OTOA: variants seen among roughly 807,000 people sequenced by gnomAD.
OTOA encodes the protein cancer/testis antigen 108.
A neutral mutation model predicts 110.8 loss-of-function variants in OTOA; 70 were observed. The ratio of observed to expected loss-of-function variants is 0.63; its 90% CI spans 0.52 to 0.77. The LOEUF (loss-of-function observed/expected upper bound fraction) is 0.77, where lower values mean the gene tolerates loss of function less well. Ranked by LOEUF, OTOA falls within the 30% of genes least tolerant of loss-of-function variation. OTOA has a pLI of 0.00. For synonymous variants in OTOA, 373 were observed against 431.5 expected (o/e 0.86, Z 1.68); for missense variants, 917 against 1,075.8 (o/e 0.85, Z 2.06).
chr16:21,735,121 A>G (rs2141730101), intron 21 of OTOA, among the ~76,000 whole-genome samples: 1 of 149,562 alleles, frequency 6.7e-6, no homozygotes, highest in African/African-American at 2.5e-5. Flanking sequence ...AGCTTGAGCA[A>G]CAGAACAAGA....
chr16:21,754,097 T>C (rs1899915763), intron 27 of OTOA, among the ~76,000 whole-genome samples: 1 of 137,996 alleles, frequency 7.2e-6, no homozygotes, highest in Non-Finnish European at 1.6e-5. Flanking sequence ...TATATATATA[T>C]ATTTTTAGTT....
In OTOA at chr16:21,678,452, G is replaced by A. The variant is rs777870030; in HGVS notation, c.-4-59G>A. 10 of 993,440 alleles carry A rather than the reference G, an allele frequency of 1.0e-5. No individual in the cohort carries two copies. In the East Asian group the frequency reaches 1.2e-4, roughly 12 times the overall value. 61.5% of individuals were successfully genotyped at this position (993,440 alleles called of 1,614,324 possible). A position where few individuals can be genotyped will look rare whatever the true frequency, so the allele number is the denominator to read the frequency against. ...TATACATGTATATATATGTGTGTGT[G>A]TGTATATATATATATATTAAAAAAA... On this transcript the variant is annotated intron_variant, in intron 1 of 28. Coordinates refer to ENST00000646100, the MANE Select transcript of OTOA (RefSeq NM_144672.4).
intron 1 of OTOA, among the ~76,000 whole-genome samples, chr16:21,669,205 C>T (rs762728280): frequency 1.1e-4 from 16 of 151,592 alleles, no homozygotes; most frequent in Non-Finnish European, 1.2e-4. Flanking sequence ...TTAGCCGGTG[C>T]GGTGGCACAA....
intron 11 of OTOA, 160 bp downstream of exon 11, chr16:21,701,187 C>A: frequency 1.9e-6 from 2 of 1,078,920 alleles, no homozygotes; most frequent in Non-Finnish European, 2.7e-6. Context: ...GAGGTGTCTG[C>A]AACTTTTTTT....
intron 18 of OTOA, among the ~76,000 whole-genome samples, 159 bp from the exon 19 acceptor site, chr16:21,726,364 G>A (rs1898916875): frequency 6.6e-6 from 1 of 152,138 alleles, no homozygotes; most frequent in African/African-American, 2.4e-5. Flanking sequence ...TGATGGGTGG[G>A]AAGCTTGCTA....
Position 21,754,078 on chromosome 16 carries a change from A to ATTTT in OTOA, c.3153+958_3153+961dup, listed in dbSNP as rs764794590. ...CATCTCTCTCTCTCTATATATATAT[A>ATTTT]TTTTTTTCTATATATATATATTTTT... On this transcript the variant is annotated intron_variant, in intron 27 of 28. Coordinates refer to ENST00000646100, the MANE Select transcript of OTOA (RefSeq NM_144672.4). Among the ~76,000 whole-genome samples the ATTTT allele has an allele frequency of 1.1e-3, 152 of 137,424 alleles. 2 individuals are homozygous for ATTTT. The highest frequency in any genetic ancestry group is 3.1e-3 in the African/African-American group (114 of 36,246). The allele number at this position is 137,424 out of a possible 152,430, so 90.2% of individuals were successfully genotyped here.
chr16:21,714,945 G>A (rs751835921), intron 13 of OTOA, 40 bp from the exon 14 acceptor site: 43 of 1,612,808 alleles, frequency 2.7e-5, no homozygotes, highest in Admixed American at 1.0e-4. Flanking sequence ...GAGGTGAAAG[G>A]CGGGAGCAGA....
chr16:21,705,836 G>A (rs976488622), intron 12 of OTOA, among the ~76,000 whole-genome samples: 4 of 152,152 alleles, frequency 2.6e-5, no homozygotes, highest in Non-Finnish European at 5.9e-5. Flanking sequence ...CTACTCAGGA[G>A]GCTGAGGCAG....
intron 13 of OTOA, 28 bp downstream of exon 13, chr16:21,710,131 A>G (rs1186881620): frequency 1.3e-6 from 2 of 1,571,698 alleles, no homozygotes; most frequent in Non-Finnish European, 1.7e-6. Flanking sequence ...ACTCTTTTTT[A>G]TTCCCCTAAG....
At chr16:21,690,322 T>C (rs1468914129) in intron 8 of OTOA, among the ~76,000 whole-genome samples, 1 of 151,928 alleles carries the variant, frequency 6.6e-6, no homozygotes, top group Admixed American at 6.6e-5. Context: ...CATTAGATAT[T>C]TTTCCTAATG....
intron 17 of OTOA, chr16:21,721,449 G>A: frequency 4.4e-6 from 2 of 455,960 alleles, no homozygotes; most frequent in Middle Eastern, 3.3e-4. Flanking sequence ...GGCCAGGGGT[G>A]GAGCTCAACA....
intron 27 of OTOA, among the ~76,000 whole-genome samples, chr16:21,756,190 G>A (rs957102245): frequency 5.3e-5 from 8 of 151,502 alleles, no homozygotes; most frequent in Middle Eastern, 3.4e-3. Context: ...CCATTGGAAC[G>A]AGTCACCAAG....
At chr16:21,717,817 G>A (rs1187750997) in intron 15 of OTOA, among the ~76,000 whole-genome samples, 2 of 152,136 alleles carry the variant, frequency 1.3e-5, no homozygotes, top group Non-Finnish European at 2.9e-5. Context: ...GTGTGCAAAA[G>A]TGAATGAAAC....
intron 9 of OTOA, among the ~76,000 whole-genome samples, chr16:21,693,084 G>A (rs1423232880): frequency 6.6e-6 from 1 of 152,020 alleles, no homozygotes; most frequent in Non-Finnish European, 1.5e-5. Flanking sequence ...GCAAAACTCT[G>A]TCTTTACCAA....
At chr16:21,716,088 A>C (rs1241347977) in intron 14 of OTOA, among the ~76,000 whole-genome samples, 1 of 150,692 alleles carries the variant, frequency 6.6e-6, no homozygotes, top group Admixed American at 6.6e-5. Flanking sequence ...TTTTCTAGAG[A>C]TGGGGTCTTG....
intron 18 of OTOA, among the ~76,000 whole-genome samples, chr16:21,724,181 G>T (rs765855509): frequency 2.0e-5 from 3 of 152,176 alleles, no homozygotes; most frequent in African/African-American, 2.4e-5. Flanking sequence ...GTTTGACTAG[G>T]CCAGATGGGT....
intron 9 of OTOA, among the ~76,000 whole-genome samples, chr16:21,693,912 G>A (rs1219347497): frequency 3.3e-5 from 5 of 152,192 alleles, no homozygotes; most frequent in Admixed American, 2.0e-4. Context: ...CTAGAAGAGC[G>A]CTTGGCAAAT....
At chr16:21,730,815 A>C in intron 20 of OTOA, 22 bp from the exon 21 acceptor site, 3 of 1,363,326 alleles carry the variant, frequency 2.2e-6, no homozygotes, top group Non-Finnish European at 3.1e-6. Flanking sequence ...TTTTCACTTT[A>C]CTGGTTATTA....
intron 1 of OTOA, among the ~76,000 whole-genome samples, chr16:21,669,739 G>T (rs1441961608): frequency 6.6e-6 from 1 of 152,096 alleles, no homozygotes; most frequent in Non-Finnish European, 1.5e-5. Flanking sequence ...CCAAGTTATT[G>T]TCATCTCTTT....
Sources: allele counts gnomAD v4.1 joint callset (sites outside exome capture counted in the v4.1 genomes callset), GRCh38; gene constraint gnomAD v4.1.1; transcripts MANE v1.5; gene names NCBI Gene and HGNC (gene_info 2026-07-23, HGNC 2026-07-21).